LRCH2: variants seen among roughly 807,000 people sequenced by gnomAD.
LRCH2 encodes leucine rich repeats and calponin homology domain containing 2, also known as leucine-rich repeat and calponin homology domain-containing protein 2.
LRCH2 carries 38 observed loss-of-function variants against 68.9 expected under a neutral mutation model. The ratio of observed to expected loss-of-function variants is 0.55; its 90% CI spans 0.43 to 0.72. LRCH2 has a LOEUF of 0.72. LRCH2 is among the 30% of genes least tolerant of loss of function. The probability of loss-of-function intolerance (pLI) is 0.00; values close to 1 mark genes in which losing one functional copy is unlikely to be tolerated. For missense variants in LRCH2, 528 were observed against 572.9 expected, an observed-to-expected ratio of 0.92 and a Z score of 0.80; for synonymous variants, 191 against 208.1, an observed-to-expected ratio of 0.92 and a Z score of 0.71.
At chrX:115,174,941 C>T (rs1010263419) in intron 5 of LRCH2, among the ~76,000 whole-genome samples, 3 of 110,667 alleles carry the variant, frequency 2.7e-5, no homozygotes, top group Admixed American at 9.6e-5. Flanking sequence ...TGGGATTAGG[C>T]GGTTGAAACT....
intron 1 of LRCH2, among the ~76,000 whole-genome samples, chrX:115,221,327 T>C (rs2073084119): frequency 9.3e-6 from 1 of 107,253 alleles, no homozygotes; most frequent in African/African-American, 3.4e-5. Flanking sequence ...GTCTTTTTTC[T>C]AATTTTTTTC....
chrX:115,189,904 C>A (rs782587234), intron 1 of LRCH2: 1 of 1,159,873 alleles, frequency 8.6e-7, no homozygotes, highest in Non-Finnish European at 1.2e-6. Context: ...GCCGCCACCG[C>A]GGCACTGGGC....
intron 20 of LRCH2, among the ~76,000 whole-genome samples, chrX:115,116,527 G>T: frequency 9.0e-6 from 1 of 110,983 alleles, no homozygotes; most frequent in Non-Finnish European, 1.9e-5. Context: ...ACAGAGGAAG[G>T]ACTGCGAATG....
At chrX:115,130,521 A>G (rs1359054206) in intron 14 of LRCH2, among the ~76,000 whole-genome samples, 1 of 111,241 alleles carries the variant, frequency 9.0e-6, no homozygotes, top group Non-Finnish European at 1.9e-5. Flanking sequence ...TATATCCAAT[A>G]TGTCATCAAG....
At chrX:115,159,273 AT>A (rs782264717) in intron 11 of LRCH2, among the ~76,000 whole-genome samples, 1 of 110,539 alleles carries the variant, frequency 9.0e-6, no homozygotes, top group African/African-American at 3.3e-5. Flanking sequence ...TAAGATAATG[AT>A]TTTTTTTCAA....
At chrX:115,176,218 A>G (rs1438178920) in intron 5 of LRCH2, among the ~76,000 whole-genome samples, 1 of 112,289 alleles carries the variant, frequency 8.9e-6, no homozygotes, top group East Asian at 2.8e-4. Context: ...TGGTAGCTCT[A>G]CTTTTAATTT....
intron 2 of LRCH2, among the ~76,000 whole-genome samples, chrX:115,187,325 C>CT (rs1210247921): frequency 8.9e-6 from 1 of 111,768 alleles, no homozygotes; most frequent in African/African-American, 3.3e-5. Flanking sequence ...GAGATTATCC[C>CT]TTCCAACTGA....
At chrX:115,190,699 G>A in intron 1 of LRCH2, 1 of 1,060,522 alleles carries the variant, frequency 9.4e-7, no homozygotes, top group Non-Finnish European at 1.2e-6. Flanking sequence ...CTATGGAGGA[G>A]AAGGCCGCTA....
intron 14 of LRCH2, among the ~76,000 whole-genome samples, chrX:115,141,703 T>G (rs1382428452): frequency 1.9e-5 from 2 of 108,060 alleles, no homozygotes; most frequent in Non-Finnish European, 3.8e-5. Context: ...CCATCTCTAC[T>G]AAAAATACAA....
chrX:115,162,454 C>A (rs1220302021), intron 11 of LRCH2, among the ~76,000 whole-genome samples: 2 of 111,481 alleles, frequency 1.8e-5, no homozygotes, highest in Non-Finnish European at 3.8e-5. Context: ...AAAAGAATCA[C>A]AGGAAAAGTT....
chrX:115,178,905 T>C (rs2072671315), intron 5 of LRCH2, among the ~76,000 whole-genome samples: 1 of 112,186 alleles, frequency 8.9e-6, no homozygotes, highest in East Asian at 2.8e-4. Context: ...TTGACATCTC[T>C]TCCCCACTGT....
chrX:115,228,346 A>C (rs1403782599), intron 1 of LRCH2, among the ~76,000 whole-genome samples: 1 of 111,361 alleles, frequency 9.0e-6, no homozygotes, highest in Non-Finnish European at 1.9e-5. Context: ...ATACACTCAA[A>C]GTGTAGAGAA....
chrX:115,155,852 A>T (rs782711555), intron 12 of LRCH2, among the ~76,000 whole-genome samples: 1 of 111,914 alleles, frequency 8.9e-6, no homozygotes, highest in East Asian at 2.8e-4. Context: ...GTACAAGATG[A>T]AGCTCTCAGG....
chrX:115,148,521 T>C (rs2072406100), intron 14 of LRCH2, among the ~76,000 whole-genome samples: 1 of 111,889 alleles, frequency 8.9e-6, no homozygotes, highest in Non-Finnish European at 1.9e-5. Context: ...ATTTCTTTTA[T>C]TATATGAAAT....
At chrX:115,197,847 T>TCTCTCTCTCTCTCTCTCTCTCTCTCA (rs782358260) in intron 1 of LRCH2, among the ~76,000 whole-genome samples, 1 of 20,565 alleles carries the variant, frequency 4.9e-5, no homozygotes, top group African/African-American at 1.9e-4. Context: ...TCTCTCTCTC[T>TCTCTCTCTCTCTCTCTCTCTCTCTCA]CACACACACA....
chrX:115,172,203 T>C (rs1323642999), intron 5 of LRCH2, among the ~76,000 whole-genome samples: 1 of 111,347 alleles, frequency 9.0e-6, no homozygotes, highest in African/African-American at 3.3e-5. Context: ...TCCTATCAAT[T>C]CACATAAACA....
At chrX:115,156,903 T>C (rs189673671) in intron 11 of LRCH2, among the ~76,000 whole-genome samples, 1 of 111,619 alleles carries the variant, frequency 9.0e-6, no homozygotes, top group African/African-American at 3.2e-5. Flanking sequence ...TTGGATATCT[T>C]CTACCCATGC....
intron 1 of LRCH2, among the ~76,000 whole-genome samples, chrX:115,204,506 A>T: frequency 8.9e-6 from 1 of 112,414 alleles, no homozygotes; most frequent in Admixed American, 9.4e-5. Context: ...ATGTCAGACC[A>T]TCTCTTTGTG....
intron 20 of LRCH2, among the ~76,000 whole-genome samples, chrX:115,118,484 T>A (rs1294358527): frequency 1.8e-5 from 2 of 108,670 alleles, no homozygotes; most frequent in African/African-American, 6.7e-5. Context: ...GTTGAATCTC[T>A]GAATAGACCA....
Sources: gnomAD v4.1 joint callset for allele counts (sites outside exome capture counted in the v4.1 genomes callset) on GRCh38, gnomAD v4.1.1 for gene constraint, MANE v1.5 for transcripts, NCBI Gene and HGNC (gene_info 2026-07-23, HGNC 2026-07-21) for gene names.